The following CPLANE1 variants were observed in gnomAD, a reference collection of about 807,000 sequenced individuals.
CPLANE1 encodes the protein ciliogenesis and planar polarity effector 1.
Under a neutral mutation model 362.5 loss-of-function variants are expected in CPLANE1, and 263 were observed. The observed-to-expected ratio is 0.73, with a 90% confidence interval of 0.66 to 0.80. The LOEUF (loss-of-function observed/expected upper bound fraction) is 0.80, where lower values mean the gene tolerates loss of function less well. CPLANE1 is among the 30% of genes least tolerant of loss of function. The probability of loss-of-function intolerance (pLI) is 0.00; values close to 1 mark genes in which losing one functional copy is unlikely to be tolerated. For missense variants in CPLANE1, 3,461 were observed against 3,793.4 expected, an observed-to-expected ratio of 0.91 and a Z score of 2.30; for synonymous variants, 1,212 against 1,302.6, an observed-to-expected ratio of 0.93 and a Z score of 1.50.
At position 37,187,308 on chromosome 5, in the gene CPLANE1, T is replaced by G. The variant is rs1784350949; in HGVS notation, c.4080+106A>C. On this transcript the variant is annotated intron_variant, in intron 23 of 52. Transcript: ENST00000651892. ...TGAACCCACAAGATATTATGCTAAG[T>G]GAAATAATCCAAAGAAAGGCAACAT... The G allele has an allele frequency of 4.3e-6, 4 of 920,856 alleles. No individual in the cohort carries two copies. The South Asian group carries it at 7.7e-5, about 18-fold the overall frequency. The allele number at this position is 920,856 out of a possible 1,614,324, so 57.0% of individuals were successfully genotyped here.
chr5:37,079,705 C>G, the CPLANE1 span, among the ~76,000 whole-genome samples: 1 of 152,196 alleles, frequency 6.6e-6, no homozygotes, highest in Non-Finnish European at 1.5e-5. Flanking sequence ...AGATGCTGAA[C>G]ACACATGAAT....
At chr5:37,195,580 C>T in intron 21 of CPLANE1, among the ~76,000 whole-genome samples, 1 of 147,632 alleles carries the variant, frequency 6.8e-6, no homozygotes. Flanking sequence ...GACTGGGCAA[C>T]AGAGCCAGAC....
rs1779121196 is a variant in CPLANE1 at position 37,169,373 on chromosome 5, T to C, written c.6651A>G (p.Lys2217=). The C allele has an allele frequency of 6.2e-7, 1 of 1,614,150 alleles. No individual in the cohort carries two copies. The highest frequency in any genetic ancestry group is 8.5e-7 in the Non-Finnish European group (1 of 1,180,026). The change falls in exon 34 of 53, where the codon AAA becomes AAG. Residue 2217 remains lysine, a synonymous_variant. Coordinates refer to ENST00000651892, the MANE Select transcript of CPLANE1 (RefSeq NM_001384732.1). The part of the protein sequence containing the change: ...QKAPRLIPHA[K]TFSPGDGFPL... Reference sequence around the variant, plus strand: ...GAAAGCCATCACCAGGACTAAATGTTTTTGCATGTGGGATAAGTCTAGGTG... The same window carrying C: ...GAAAGCCATCACCAGGACTAAATGTCTTTGCATGTGGGATAAGTCTAGGTG...
In CPLANE1 at chr5:37,187,747, C is replaced by T; in HGVS notation, c.3907G>A (p.Val1303Ile). The T allele has an allele frequency of 6.2e-7, 1 of 1,613,180 alleles. No homozygotes were observed. The highest frequency in any genetic ancestry group is 8.5e-7 in the Non-Finnish European group (1 of 1,179,446). ...CRQYQKAREN[V>I]KGEKDLEVEF... ...CTGGTAAATACCTTTTCTCCTTTTACATTTTCTCTTGCTTTCTGATATTGC... is the reference window on the plus strand; with the variant it reads ...CTGGTAAATACCTTTTCTCCTTTTATATTTTCTCTTGCTTTCTGATATTGC... Residue 1303 changes from valine to isoleucine, a missense_variant, in exon 22 of 53, where the codon GTA becomes ATA. Physicochemically the swap from Val to Ile is conservative, Grantham distance 29 (BLOSUM62 3). Around this residue, in one of 2 missense-constraint regions of CPLANE1, gnomAD observed 3,380 missense variants for 3,666.1 expected, o/e 0.92. Coordinates refer to ENST00000651892, the MANE Select transcript of CPLANE1 (RefSeq NM_001384732.1).
intron 1 of CPLANE1, 67 bp downstream of exon 1, chr5:37,249,178 G>A (rs571776530): frequency 6.6e-6 from 1 of 152,482 alleles, no homozygotes; most frequent in Non-Finnish European, 1.5e-5. Flanking sequence ...GGAGACCGAG[G>A]ACGCCCGGGT....
Position 37,169,925 on chromosome 5 carries a change from C to T in CPLANE1, c.6462+116G>A, listed in dbSNP as rs914251941. 1.4e-5 allele frequency: 14 copies of T among 994,486 alleles called. No individual in the cohort carries two copies. The African/African-American group carries it at 1.8e-4, about 13-fold the overall frequency. 61.6% of individuals were successfully genotyped at this position (994,486 alleles called of 1,614,324 possible). On this transcript the variant is annotated intron_variant, in intron 33 of 52. Transcript: ENST00000651892. ...TATTTTTAGTAGAGACGGGGTTTCA[C>T]GATGTTGGCCAGGCTGGTCTCGAAC...
chr5:37,134,946 A>G (rs1767179748), intron 46 of CPLANE1, among the ~76,000 whole-genome samples: 1 of 152,046 alleles, frequency 6.6e-6, no homozygotes, highest in Non-Finnish European at 1.5e-5. Flanking sequence ...GGCATGTGCC[A>G]CCATGCCCAG....
At chr5:37,215,998 A>AT (rs1170839429) in intron 15 of CPLANE1, among the ~76,000 whole-genome samples, 4 of 151,234 alleles carry the variant, frequency 2.6e-5, no homozygotes, top group East Asian at 1.9e-4. Context: ...TGACCGGCTA[A>AT]TTTTTTTTGT....
At chr5:37,112,063 A>G (rs975383390) in intron 51 of CPLANE1, among the ~76,000 whole-genome samples, 12 of 152,350 alleles carry the variant, frequency 7.9e-5, no homozygotes, top group South Asian at 6.2e-4. Flanking sequence ...CTAGAGATCA[A>G]CAAAGGCTAC....
chr5:37,246,068 T>C, intron 2 of CPLANE1: 2 of 315,906 alleles, frequency 6.3e-6, no homozygotes, highest in Middle Eastern at 8.6e-4. Context: ...TACCTAGTAG[T>C]TGTATTTCAA....
intron 43 of CPLANE1, 50 bp downstream of exon 43, chr5:37,148,131 C>T (rs1306365405): frequency 7.2e-7 from 1 of 1,383,590 alleles, no homozygotes; most frequent in Non-Finnish European, 1.0e-6. Flanking sequence ...CACATTCTTT[C>T]AGATCAACTA....
intron 5 of CPLANE1, among the ~76,000 whole-genome samples, chr5:37,243,894 A>G (rs1186195892): frequency 6.7e-6 from 1 of 149,874 alleles, no homozygotes; most frequent in African/African-American, 2.5e-5. Context: ...CTCGTTGCCC[A>G]GGCTGGAGTG....
Position 37,245,714 on chromosome 5 carries a change from A to G in CPLANE1, c.213T>C (p.Ser71=), listed in dbSNP as rs1181645777. 2 of 1,511,770 alleles carry G rather than the reference A, an allele frequency of 1.3e-6. No homozygotes were observed. Among genetic ancestry groups the G allele is most frequent in the Non-Finnish European group, 1.8e-6 (2 of 1,132,578 alleles). The allele number at this position is 1,511,770 out of a possible 1,614,324, so 93.6% of individuals were successfully genotyped here. A position where few individuals can be genotyped will look rare whatever the true frequency, so the allele number is the denominator to read the frequency against. The change falls in exon 3 of 53, where the codon AGT becomes AGC. Residue 71 remains serine, a synonymous_variant. Transcript: ENST00000651892. The stretch of plus-strand genomic sequence containing the variant: ...AAAATATCAGTACTACTTAACCATT[A>G]CTGGATGTTGTTAGGACAATAACAT... The part of the protein sequence containing the change: ...LKDVIVLTTS[S]NDAWLAGVLT...
At chr5:37,128,942 T>C (rs1477428769) in intron 46 of CPLANE1, among the ~76,000 whole-genome samples, 2 of 151,838 alleles carry the variant, frequency 1.3e-5, no homozygotes, top group Non-Finnish European at 2.9e-5. Context: ...AAAGAGCCTG[T>C]ACAGCCAAAG....
At chr5:37,139,939 T>C (rs1284821122) in intron 44 of CPLANE1, 4 of 984,154 alleles carry the variant, frequency 4.1e-6, no homozygotes, top group Admixed American at 1.2e-4. Context: ...CAGTTTAGAG[T>C]ACTGGAGTGC....
intron 14 of CPLANE1, among the ~76,000 whole-genome samples, chr5:37,222,329 C>T (rs77739891): frequency 1.6e-4 from 24 of 152,284 alleles, no homozygotes; most frequent in Non-Finnish European, 2.8e-4. Flanking sequence ...AACCTTTGTC[C>T]TATTTGCTGC....
chr5:37,197,450 T>G (rs1787851437), intron 20 of CPLANE1, among the ~76,000 whole-genome samples: 1 of 152,142 alleles, frequency 6.6e-6, no homozygotes, highest in Admixed American at 6.5e-5. Context: ...TACAGCCACA[T>G]GCAACTGAAT....
chr5:37,182,466 G>C (rs1782913896), intron 26 of CPLANE1, among the ~76,000 whole-genome samples: 1 of 152,124 alleles, frequency 6.6e-6, no homozygotes, highest in Non-Finnish European at 1.5e-5. Flanking sequence ...ACTGAAAGGA[G>C]AAATAATATA....
rs753835579 is a variant in CPLANE1, at chr5:37,169,578, A to G, written c.6463-17T>C. Reference sequence around the variant, plus strand: ...TGGAACATTCTGGAAGAGAAAAAAGATATTATGTAAGTTTAGAATATATTA... The same window carrying G: ...TGGAACATTCTGGAAGAGAAAAAAGGTATTATGTAAGTTTAGAATATATTA... On this transcript the variant is annotated splice_polypyrimidine_tract_variant and intron_variant, in intron 33 of 52. Coordinates refer to ENST00000651892, the MANE Select transcript of CPLANE1 (RefSeq NM_001384732.1). 3.2e-6 allele frequency: 5 copies of G among 1,554,540 alleles called. No homozygotes were observed. The highest frequency in any genetic ancestry group is 2.0e-5 in the Admixed American group (1 of 49,712).
Sources: allele counts gnomAD v4.1 joint callset (sites outside exome capture counted in the v4.1 genomes callset), GRCh38; gene constraint gnomAD v4.1.1; regional missense constraint gnomAD v4.1.1; transcripts MANE v1.5; gene names NCBI Gene and HGNC (gene_info 2026-07-23, HGNC 2026-07-21).